Variants in MED23 observed in about 807,000 individuals in gnomAD.
MED23 encodes the protein mediator of RNA polymerase II transcription subunit 23.
Under a neutral mutation model 163.9 loss-of-function variants are expected in MED23, and 105 were observed. The ratio of observed to expected loss-of-function variants is 0.64; its 90% confidence interval spans 0.55 to 0.75. The LOEUF (loss-of-function observed/expected upper bound fraction) is 0.75. Among genes scored for constraint, MED23 ranks in the 30% least tolerant of loss-of-function variants. MED23 has a pLI of 0.00. For missense variants in MED23, 1,054 were observed against 1,649.0 expected (o/e 0.64, Z 6.25); for synonymous variants, 561 against 565.6 (o/e 0.99, Z 0.12).
rs1773499103 is a variant in MED23, at chr6:131,574,111, G to A, written c.*182C>T. Reference sequence around the variant, plus strand: ...CTTATTCTAGTAAAGAGAGTGTGATGACAGAACACCTTAGACTTCAACACG... The same window carrying A: ...CTTATTCTAGTAAAGAGAGTGTGATAACAGAACACCTTAGACTTCAACACG... On this transcript the variant is annotated 3_prime_UTR_variant, in exon 31 of 31. Coordinates refer to the MED23 transcript ENST00000354577. 4.2e-5 allele frequency: 31 copies of A among 742,258 alleles called. No individual in the cohort carries two copies. In the South Asian group the frequency reaches 4.8e-4, roughly 11 times the overall value. The allele number at this position is 742,258 out of a possible 1,614,324, so 46.0% of individuals were successfully genotyped here. A position where few individuals can be genotyped will look rare whatever the true frequency, so the allele number is the denominator to read the frequency against.
intron 30 of MED23, among the ~76,000 whole-genome samples, chr6:131,578,352 A>G (rs528045807): frequency 5.9e-5 from 9 of 152,326 alleles, no homozygotes; most frequent in African/African-American, 1.9e-4. Context: ...AACAAATACC[A>G]TATTTAATGG....
chr6:131,626,796 G>C (rs997614004), intron 3 of MED23, among the ~76,000 whole-genome samples: 1 of 152,190 alleles, frequency 6.6e-6, no homozygotes, highest in African/African-American at 2.4e-5. Flanking sequence ...TGGCTGACAC[G>C]CAAACAGTTC....
At position 131,620,747 on chromosome 6, in the gene MED23, G is replaced by C; in HGVS notation, c.496-18C>G. 2 of 1,485,860 alleles carry C rather than the reference G, an allele frequency of 1.3e-6. No homozygotes were observed. The highest frequency in any genetic ancestry group is 1.9e-6 in the Non-Finnish European group (2 of 1,064,446). 92.0% of individuals were successfully genotyped at this position (1,485,860 alleles called of 1,614,324 possible). On this transcript the variant is annotated intron_variant, in intron 6 of 28. Transcript: ENST00000368068. ...GCTATAACCTAAGAAAAACAAAAAG[G>C]CCACATCATTCTTGACTAGTCCCAC...
intron 12 of MED23, among the ~76,000 whole-genome samples, chr6:131,606,888 C>T (rs1038542323): frequency 2.0e-5 from 3 of 152,080 alleles, no homozygotes; most frequent in Non-Finnish European, 2.9e-5. Context: ...TTCCTACTAT[C>T]GCAGAGCATT....
rs1484641159 is a variant in MED23 at position 131,598,542 on chromosome 6, G to A, written c.2426+14C>T. The A allele has an allele frequency of 6.2e-7, 1 of 1,613,844 alleles. No individual in the cohort carries two copies. Among genetic ancestry groups the A allele is most frequent in the South Asian group, 1.1e-5 (1 of 91,064 alleles). Reference sequence around the variant, plus strand: ...AATTTGCCAAATGGAATGCAAATTAGGTTTTTGACTTACCTATAGCCAATC... The same window carrying A: ...AATTTGCCAAATGGAATGCAAATTAAGTTTTTGACTTACCTATAGCCAATC... On this transcript the variant is annotated intron_variant, in intron 19 of 28. Coordinates refer to ENST00000368068, the MANE Select transcript of MED23 (RefSeq NM_004830.4). This position sits in a 1 kb window ranked among gnomAD's most constrained non-coding sequence, Gnocchi z 4.7.
downstream of MED23, chr6:131,584,396 A>ACACC (rs1554251455): frequency 2.6e-5 from 4 of 152,156 alleles, no homozygotes; most frequent in African/African-American, 9.9e-5. Flanking sequence ...ACACACACAC[A>ACACC]CCCCACATTC....
At chr6:131,590,091 T>G (rs1171425423) in intron 27 of MED23, among the ~76,000 whole-genome samples, 1 of 152,172 alleles carries the variant, frequency 6.6e-6, no homozygotes, top group Non-Finnish European at 1.5e-5. Flanking sequence ...TCTCCATCCT[T>G]AACCTCTTCT....
At chr6:131,621,336 A>G (rs1215413928) in intron 6 of MED23, among the ~76,000 whole-genome samples, 1 of 151,940 alleles carries the variant, frequency 6.6e-6, no homozygotes, top group East Asian at 1.9e-4. Context: ...AAAAATAAGT[A>G]TATATAATAT....
intron 6 of MED23, among the ~76,000 whole-genome samples, chr6:131,621,572 G>A (rs112981193): frequency 1.5e-3 from 227 of 152,202 alleles, no homozygotes; most frequent in African/African-American, 5.2e-3. Flanking sequence ...ACAGACCAAC[G>A]TAACAATTCT....
chr6:131,595,289 T>C (rs1410861411), intron 22 of MED23, among the ~76,000 whole-genome samples: 1 of 152,250 alleles, frequency 6.6e-6, no homozygotes, highest in Non-Finnish European at 1.5e-5. Flanking sequence ...TTTTCTCTCA[T>C]TTTCAATGCA....
At chr6:131,576,887 G>A (rs1006585695) in intron 30 of MED23, 7 of 712,192 alleles carry the variant, frequency 9.8e-6, no homozygotes, top group Non-Finnish European at 1.7e-5. Flanking sequence ...AAAAGCAGCA[G>A]GGCATGGGGA....
chr6:131,575,354 CAG>C (rs771412329), intron 30 of MED23, among the ~76,000 whole-genome samples: 2 of 152,038 alleles, frequency 1.3e-5, no homozygotes, highest in Non-Finnish European at 2.9e-5. Flanking sequence ...AAGACAAAAA[CAG>C]ACACAAAACT....
At chr6:131,575,917 A>G (rs1773590010) in intron 30 of MED23, among the ~76,000 whole-genome samples, 1 of 152,184 alleles carries the variant, frequency 6.6e-6, no homozygotes. Flanking sequence ...CTCCCAGATG[A>G]TGACTTTTTC....
chr6:131,596,737 AATC>A, intron 20 of MED23, 49 bp from the exon 21 acceptor site: 1 of 1,537,452 alleles, frequency 6.5e-7, no homozygotes, highest in Non-Finnish European at 9.0e-7. Context: ...ACCTGTGTAA[AATC>A]ATGAGGGCCA....
intron 18 of MED23, among the ~76,000 whole-genome samples, chr6:131,599,610 T>G (rs1401266755): frequency 6.6e-6 from 1 of 152,146 alleles, no homozygotes; most frequent in Non-Finnish European, 1.5e-5. Flanking sequence ...TTCACTTTTA[T>G]TTTTTTCCTC....
At chr6:131,614,148 G>T (rs1776481806) in intron 10 of MED23, among the ~76,000 whole-genome samples, 1 of 152,188 alleles carries the variant, frequency 6.6e-6, no homozygotes, top group Admixed American at 6.5e-5. Flanking sequence ...TGAGGTACCT[G>T]TCAGATACTC....
At chr6:131,581,846 T>C (rs570506423), downstream of MED23, among the ~76,000 whole-genome samples, 241 of 152,326 alleles carry the variant, frequency 1.6e-3, no homozygotes, top group African/African-American at 5.3e-3. Context: ...TAATGGTTTA[T>C]GAACTAATGT....
In MED23 at chr6:131,596,686, G is replaced by A; in HGVS notation, c.2610C>T (p.Ala870=). The A allele has an allele frequency of 6.2e-7, 1 of 1,613,868 alleles. No homozygotes were observed. Among genetic ancestry groups the A allele is most frequent in the Non-Finnish European group, 8.5e-7 (1 of 1,179,892 alleles). ...CTTCATTTCCTTCGTGACTACGCATGGCCTTTGAAAAACAACAGAAAAATT... is the reference window on the plus strand; with the variant it reads ...CTTCATTTCCTTCGTGACTACGCATAGCCTTTGAAAAACAACAGAAAAATT... The part of the protein sequence containing the change: ...VTLDRLILCL[A]MRSHEGNEAQ... The change falls in exon 21 of 29, where the codon GCC becomes GCT. Residue 870 remains alanine (A), a splice_region_variant and synonymous_variant. Transcript: ENST00000368068.
chr6:131,586,667 C>G (rs1171799491), downstream of MED23: 9 of 1,164,898 alleles, frequency 7.7e-6, no homozygotes, highest in Non-Finnish European at 1.0e-5. Flanking sequence ...CACAGAGTAC[C>G]CCATTTCCAA....
Sources: gnomAD v4.1 joint callset for allele counts (sites outside exome capture counted in the v4.1 genomes callset) on GRCh38, gnomAD v4.1.1 for gene constraint, Gnocchi (gnomAD v3.1) non-coding constraint, MANE v1.5 for transcripts, NCBI Gene and HGNC (gene_info 2026-07-23, HGNC 2026-07-21) for gene names.